Variants in TNPO2 observed in about 807,000 individuals in gnomAD.
The protein encoded by TNPO2 is transportin 2, also known as transportin-2.
TNPO2 carries 16 observed loss-of-function variants against 111.1 expected under a neutral mutation model. That is an observed-to-expected ratio of 0.14 (90% CI 0.10 to 0.22). The LOEUF (loss-of-function observed/expected upper bound fraction) is 0.22. Among genes scored for constraint, TNPO2 ranks in the 10% least tolerant of loss-of-function variants. The pLI is 1.00. For synonymous variants in TNPO2, 481 were observed against 475.8 expected, an observed-to-expected ratio of 1.01 and a Z score of -0.14; for missense variants, 530 against 1,173.7, an observed-to-expected ratio of 0.45 and a Z score of 8.01.
intron 11 of TNPO2, 35 bp downstream of exon 11, chr19:12,711,518 C>T (rs754613458): frequency 6.2e-7 from 1 of 1,613,884 alleles, no homozygotes; most frequent in Non-Finnish European, 8.5e-7. Context: ...ACACCCACGC[C>T]CATGCCCACC....
Position 12,699,864 on chromosome 19 carries a change from G to A in TNPO2, c.*1400C>T, listed in dbSNP as rs2025195712. On this transcript the variant is annotated 3_prime_UTR_variant, in exon 26 of 26. Transcript: ENST00000425528. ...ATGGATGGAGCAGGCCCCAGGATGC[G>A]AGACTCCAGTCAGACTCCAAAACAC... The A allele has an allele frequency of 2.0e-5, 3 of 152,202 alleles. No individual in the cohort carries two copies. The highest frequency in any genetic ancestry group is 4.4e-5 in the Non-Finnish European group (3 of 67,998). 9.4% of individuals were successfully genotyped at this position (152,202 alleles called of 1,614,324 possible). A position where few individuals can be genotyped will look rare whatever the true frequency, so the allele number is the denominator to read the frequency against.
At position 12,702,133 on chromosome 19, in the gene TNPO2, G is replaced by A. The variant is rs2025351377; in HGVS notation, c.2350C>T (p.Arg784Cys). Residue 784 changes from arginine (R) to cysteine (C), a missense_variant, in exon 22 of 26, where the codon CGC becomes TGC. Transcript: ENST00000425528. The surrounding 1 kb of genome is among the most constrained non-coding windows in gnomAD (Gnocchi z 5.5). ...TCCTGGGGGCACACGTAGCCCAAGC[G>A]GCCGATGGTGATGGCTGGAATGGCA... ...PSAIPAITIG[R>C]LGYVCPQEVA... 6.2e-7 allele frequency: 1 copy of A among 1,613,544 alleles called. No homozygotes were observed. Among genetic ancestry groups the A allele is most frequent in the Non-Finnish European group, 8.5e-7 (1 of 1,179,814 alleles).
At chr19:12,711,512 C>T (rs758174142) in intron 11 of TNPO2, 41 bp downstream of exon 11, 3 of 1,613,922 alleles carry the variant, frequency 1.9e-6, no homozygotes, top group Admixed American at 3.3e-5. Flanking sequence ...GCCGCGACAC[C>T]CACGCCCATG....
rs1035786222 is a variant in TNPO2, at chr19:12,706,995, C to G, written c.1271-200G>C. On this transcript the variant is annotated intron_variant, in intron 13 of 25. Coordinates refer to ENST00000425528, the MANE Select transcript of TNPO2 (RefSeq NM_001382241.1). This position sits in a 1 kb window ranked among gnomAD's most constrained non-coding sequence, Gnocchi z 7.0. ...ACAGAAGCCTCTCATCCCAAAGCCC[C>G]GGGTTATCTTTATTTTTTTTTGAGG... is the stretch of plus-strand genomic sequence containing the variant. 1.3e-5 allele frequency among the ~76,000 whole-genome samples: 2 copies of G among 152,124 alleles called. No individual in the cohort carries two copies. The highest frequency in any genetic ancestry group is 2.9e-5 in the Non-Finnish European group (2 of 68,018).
rs769414792 is a variant in TNPO2 at position 12,702,390 on chromosome 19, T to C, written c.2306-213A>G. 8 of 681,438 alleles carry C rather than the reference T, an allele frequency of 1.2e-5. No individual in the cohort carries two copies. The highest frequency in any genetic ancestry group is 1.1e-4 in the South Asian group (7 of 65,822). 42.2% of individuals were successfully genotyped at this position (681,438 alleles called of 1,614,324 possible). On this transcript the variant is annotated intron_variant, in intron 21 of 25. Coordinates refer to ENST00000425528, the MANE Select transcript of TNPO2 (RefSeq NM_001382241.1). The surrounding 1 kb of genome is among the most constrained non-coding windows in gnomAD (Gnocchi z 5.5). ...CTTTCCTTTCCCTTTCCTTTTTGTT[T>C]TTTTTTGTTTTGTTTTGTTTTTGAG...
At position 12,721,031 on chromosome 19, in the gene TNPO2, G is replaced by A. The variant is rs1599431829; in HGVS notation, c.-13-41C>T. 6.5e-7 allele frequency: 1 copy of A among 1,537,698 alleles called. No homozygotes were observed. The highest frequency in any genetic ancestry group is 8.7e-7 in the Non-Finnish European group (1 of 1,146,888). Reference sequence around the variant, plus strand: ...CCGGGGTCAGCGCTGGGTCTCTGGGGCTCCGTGTGAGACCCAGGTGGAGCC... The same window carrying A: ...CCGGGGTCAGCGCTGGGTCTCTGGGACTCCGTGTGAGACCCAGGTGGAGCC... On this transcript the variant is annotated intron_variant, in intron 2 of 25. Coordinates refer to ENST00000425528, the MANE Select transcript of TNPO2 (RefSeq NM_001382241.1). The surrounding 1 kb of genome is among the most constrained non-coding windows in gnomAD (Gnocchi z 4.9).
intron 10 of TNPO2, among the ~76,000 whole-genome samples, chr19:12,714,257 A>T (rs1232158212): frequency 6.6e-6 from 1 of 151,834 alleles, no homozygotes; most frequent in Admixed American, 6.6e-5. Flanking sequence ...TGCCTTTCAC[A>T]TCCTTTGAGC....
intron 18 of TNPO2, among the ~76,000 whole-genome samples, chr19:12,704,632 G>C (rs2145475603): frequency 6.6e-6 from 1 of 152,298 alleles, no homozygotes; most frequent in African/African-American, 2.4e-5. Context: ...CAGATACAGA[G>C]AGCCAACTGT....
chr19:12,719,063 A>T lies in TNPO2; in HGVS notation c.291T>A (p.Ile97=). 6.2e-7 allele frequency: 1 copy of T among 1,613,868 alleles called. No individual in the cohort carries two copies. ...DFIKQECLNN[I]GDASSLIRAT... ...CTCGGATGAGCGAGGAGGCATCGCC[A>T]ATGTTGTTGAGACACTCCTGTTTGA... The change falls in exon 5 of 26, where the codon ATT becomes ATA. Residue 97 remains isoleucine, a synonymous_variant. Coordinates refer to ENST00000425528, the MANE Select transcript of TNPO2 (RefSeq NM_001382241.1). The surrounding 1 kb of genome is among the most constrained non-coding windows in gnomAD (Gnocchi z 5.0).
Position 12,706,507 on chromosome 19 carries a change from C to T in TNPO2, c.1496+63G>A. The stretch of plus-strand genomic sequence containing the variant: ...GTTCCACATCAACAGTCACAGGTGT[C>T]ATCACTTCCCAGAGGGTGGCCGGGG... On this transcript the variant is annotated intron_variant, in intron 14 of 25. Coordinates refer to ENST00000425528, the MANE Select transcript of TNPO2 (RefSeq NM_001382241.1). The surrounding 1 kb of genome is among the most constrained non-coding windows in gnomAD (Gnocchi z 7.0). 1.3e-6 allele frequency: 2 copies of T among 1,588,272 alleles called. No homozygotes were observed. Among genetic ancestry groups the T allele is most frequent in the Non-Finnish European group, 1.7e-6 (2 of 1,157,392 alleles).
At position 12,705,621 on chromosome 19, in the gene TNPO2, G is replaced by C. The variant is rs878889073; in HGVS notation, c.1756-22C>G. 1 of 1,584,814 alleles carries C rather than the reference G, an allele frequency of 6.3e-7. No individual in the cohort carries two copies. Among genetic ancestry groups the C allele is most frequent in the Non-Finnish European group, 8.6e-7 (1 of 1,165,362 alleles). ...GACACTGGCAGGGAGGAAGGCAGGT[G>C]GGGAGAACTCAGGCAGGGTGGGCAG... On this transcript the variant is annotated intron_variant, in intron 16 of 25. Transcript: ENST00000425528. The surrounding 1 kb of genome is among the most constrained non-coding windows in gnomAD (Gnocchi z 7.2).
intron 10 of TNPO2, among the ~76,000 whole-genome samples, chr19:12,711,819 C>T (rs1263625400): frequency 6.6e-6 from 1 of 151,540 alleles, no homozygotes; most frequent in Non-Finnish European, 1.5e-5. Context: ...TAGTCTCTGC[C>T]GCTATGATTA....
chr19:12,702,806 C>G lies in TNPO2; in HGVS notation c.2305+17G>C. ...AGGCAGGCAGGGGTGCAGGCAGCAG[C>G]CGGGCCAGGTGCCCACCTGTGTTTT... On this transcript the variant is annotated intron_variant, in intron 21 of 25. Transcript: ENST00000425528. The surrounding 1 kb of genome is among the most constrained non-coding windows in gnomAD (Gnocchi z 5.5). 6.2e-7 allele frequency: 1 copy of G among 1,611,488 alleles called. No homozygotes were observed. The highest frequency in any genetic ancestry group is 8.5e-7 in the Non-Finnish European group (1 of 1,177,764).
In TNPO2 at chr19:12,705,916, T is replaced by G. The variant is rs2025626573; in HGVS notation, c.1669-148A>C. 1 of 703,352 alleles carries G rather than the reference T, an allele frequency of 1.4e-6. No individual in the cohort carries two copies. The highest frequency in any genetic ancestry group is 2.3e-6 in the Non-Finnish European group (1 of 433,270). The allele number at this position is 703,352 out of a possible 1,614,324, so 43.6% of individuals were successfully genotyped here. A position where few individuals can be genotyped will look rare whatever the true frequency, so the allele number is the denominator to read the frequency against. ...TGCCATCTGGCCAGACCTCGAGGCC[T>G]TCATTCTTCTCACCTGTCCAAGCAC... On this transcript the variant is annotated intron_variant, in intron 15 of 25. Coordinates refer to ENST00000425528, the MANE Select transcript of TNPO2 (RefSeq NM_001382241.1). The surrounding 1 kb of genome is among the most constrained non-coding windows in gnomAD (Gnocchi z 7.2).
chr19:12,710,864 T>A, intron 12 of TNPO2, 91 bp from the exon 13 acceptor site: 1 of 1,263,630 alleles, frequency 7.9e-7, no homozygotes, highest in Non-Finnish European at 1.1e-6. Flanking sequence ...TCAGAGATCA[T>A]GCTCAGAATC....
At position 12,706,185 on chromosome 19, in the gene TNPO2, T is replaced by G. The variant is rs746409142; in HGVS notation, c.1668+11A>C. On this transcript the variant is annotated intron_variant, in intron 15 of 25. Transcript: ENST00000425528. The surrounding 1 kb of genome is among the most constrained non-coding windows in gnomAD (Gnocchi z 7.0). ...GGGGATCGGGAGGCGGGAGCCGCTC[T>G]GGGGTCTCACCGGCTGGTTGAGGTG... 2 of 1,612,754 alleles carry G rather than the reference T, an allele frequency of 1.2e-6. No homozygotes were observed. The highest frequency in any genetic ancestry group is 4.5e-5 in the East Asian group (2 of 44,870).
chr19:12,703,687 G>A (rs888129016), intron 19 of TNPO2, 27 bp downstream of exon 19: 31 of 1,603,922 alleles, frequency 1.9e-5, no homozygotes, highest in Non-Finnish European at 2.6e-5. Flanking sequence ...CTGGGGTCAT[G>A]GGTTAGGGAC....
chr19:12,704,392 G>C (rs939673397), intron 18 of TNPO2, among the ~76,000 whole-genome samples: 10 of 151,920 alleles, frequency 6.6e-5, no homozygotes, highest in African/African-American at 9.7e-5. Flanking sequence ...GGGGCGGTGG[G>C]GGGGGCATAG....
intron 13 of TNPO2, 123 bp downstream of exon 13, chr19:12,710,498 C>T: frequency 5.1e-6 from 6 of 1,179,258 alleles, no homozygotes; most frequent in Non-Finnish European, 7.0e-6. Context: ...ATTGAGATCT[C>T]AGAGCTGTTT....
Sources: gnomAD v4.1 joint callset for allele counts (sites outside exome capture counted in the v4.1 genomes callset) on GRCh38, gnomAD v4.1.1 for gene constraint, Gnocchi (gnomAD v3.1) non-coding constraint, MANE v1.5 for transcripts, NCBI Gene and HGNC (gene_info 2026-07-23, HGNC 2026-07-21) for gene names.